The following DMD variants were observed in gnomAD, a reference collection of about 807,000 sequenced individuals.
The protein encoded by DMD is mutant dystrophin.
Under a neutral mutation model 330.1 loss-of-function variants are expected in DMD, and 63 were observed. The ratio of observed to expected loss-of-function variants is 0.19; its 90% CI spans 0.16 to 0.24. The LOEUF (loss-of-function observed/expected upper bound fraction) is 0.24. DMD is among the 10% of genes least tolerant of loss of function. DMD has a pLI of 1.00. For synonymous variants in DMD, 1,223 were observed against 959.8 expected, an observed-to-expected ratio of 1.27 and a Z score of -5.07; for missense variants, 3,344 against 2,684.1, an observed-to-expected ratio of 1.25 and a Z score of -5.43.
intron 2 of DMD, among the ~76,000 whole-genome samples, chrX:32,928,047 G>C (rs1308436140): frequency 9.1e-6 from 1 of 110,434 alleles, no homozygotes; most frequent in Non-Finnish European, 1.9e-5. Flanking sequence ...ATTTTGATAA[G>C]AAATTGATGC....
At chrX:33,008,141 G>T (rs1207903858) in intron 2 of DMD, among the ~76,000 whole-genome samples, 1 of 111,334 alleles carries the variant, frequency 9.0e-6, no homozygotes, top group Non-Finnish European at 1.9e-5. Context: ...ATCACTTTTT[G>T]TCCATTTTTA....
At chrX:32,553,731 T>A (rs1013258068) in intron 16 of DMD, among the ~76,000 whole-genome samples, 1 of 112,053 alleles carries the variant, frequency 8.9e-6, no homozygotes, top group African/African-American at 3.2e-5. Flanking sequence ...TATTTTATGA[T>A]ATGGTTTGGC....
intron 7 of DMD, among the ~76,000 whole-genome samples, chrX:32,799,917 A>G (rs1318428985): frequency 1.8e-5 from 2 of 111,540 alleles, no homozygotes. Context: ...AATTCCACTT[A>G]AAACTAAACC....
At chrX:32,808,775 G>C in intron 7 of DMD, among the ~76,000 whole-genome samples, 1 of 111,775 alleles carries the variant, frequency 8.9e-6, no homozygotes, top group Non-Finnish European at 1.9e-5. Context: ...GTAAAGCCTT[G>C]AGAATTGAGA....
chrX:31,886,367 T>C (rs2094154369), intron 47 of DMD, among the ~76,000 whole-genome samples: 1 of 111,328 alleles, frequency 9.0e-6, no homozygotes, highest in South Asian at 3.7e-4. Context: ...AAAATTTCTT[T>C]ACATAAAAAA....
intron 60 of DMD, among the ~76,000 whole-genome samples, chrX:31,381,522 A>T (rs1006907839): frequency 3.6e-5 from 4 of 111,383 alleles, no homozygotes; most frequent in Non-Finnish European, 7.5e-5. Flanking sequence ...CTCTTTGTTG[A>T]GTCTCCCACA....
At chrX:31,761,172 A>G (rs901510592) in intron 51 of DMD, among the ~76,000 whole-genome samples, 3 of 110,976 alleles carry the variant, frequency 2.7e-5, no homozygotes, top group African/African-American at 9.8e-5. Context: ...GGCGTGAGCC[A>G]CCGCGCCTGG....
At chrX:32,096,529 AT>A (rs1452825793) in intron 44 of DMD, among the ~76,000 whole-genome samples, 1 of 110,334 alleles carries the variant, frequency 9.1e-6, no homozygotes, top group East Asian at 2.8e-4. Flanking sequence ...CAAATAAATA[AT>A]TTTTTTAAAG....
chrX:33,294,849 G>T lies in DMD; in HGVS notation c.7+44410C>A, dbSNP rs143964678. Among the ~76,000 whole-genome samples the T allele has an allele frequency of 6.8e-3, 754 of 110,614 alleles. 7 individuals are homozygous for T. Among genetic ancestry groups the T allele is most frequent in the Non-Finnish European group, 9.4e-3 (496 of 52,737 alleles). The stretch of plus-strand genomic sequence containing the variant: ...ATAGATTATAGAAATCATACAAGCA[G>T]TATATACAATTTCAAAGTCACACAC... On this transcript the variant is annotated intron_variant, in intron 1 of 17. Coordinates refer to the DMD transcript ENST00000288447.
intron 1 of DMD, among the ~76,000 whole-genome samples, chrX:33,273,800 T>A (rs1431590297): frequency 2.7e-5 from 3 of 112,488 alleles, no homozygotes; most frequent in Non-Finnish European, 5.6e-5. Flanking sequence ...GCCTGCCCTC[T>A]GTAAATATGA....
At chrX:31,959,979 G>A (rs944034999) in intron 45 of DMD, among the ~76,000 whole-genome samples, 1 of 108,679 alleles carries the variant, frequency 9.2e-6, no homozygotes, top group African/African-American at 3.4e-5. Flanking sequence ...GGCTGGTCTC[G>A]AAATCCTGAC....
chrX:32,920,714 T>TA (rs1247294241), intron 2 of DMD, among the ~76,000 whole-genome samples: 1 of 112,292 alleles, frequency 8.9e-6, no homozygotes, highest in African/African-American at 3.2e-5. Context: ...GCAGTGAAGA[T>TA]AAAACAGTAA....
At chrX:32,354,255 C>G (rs1343780008) in intron 37 of DMD, among the ~76,000 whole-genome samples, 1 of 111,603 alleles carries the variant, frequency 9.0e-6, no homozygotes, top group Non-Finnish European at 1.9e-5. Context: ...AATCCAAGTG[C>G]TACAGATTGG....
chrX:32,120,479 C>T (rs1404138316), intron 44 of DMD, among the ~76,000 whole-genome samples: 1 of 112,143 alleles, frequency 8.9e-6, no homozygotes, highest in Non-Finnish European at 1.9e-5. Flanking sequence ...TAGGTCTTCA[C>T]ACACAGACAC....
chrX:31,283,909 T>C (rs2052820670), intron 62 of DMD, among the ~76,000 whole-genome samples: 1 of 111,654 alleles, frequency 9.0e-6, no homozygotes, highest in Admixed American at 9.5e-5. Flanking sequence ...CCAACCCAGA[T>C]ACAGATGCTC....
At chrX:31,794,049 GA>G (rs1053418455) in intron 50 of DMD, among the ~76,000 whole-genome samples, 161 of 108,067 alleles carry the variant, frequency 1.5e-3, no homozygotes, top group African/African-American at 5.1e-3. Context: ...TCTATATCTT[GA>G]AAAAAAAAAT....
At chrX:32,205,283 TTC>T (rs1281276223) in intron 44 of DMD, among the ~76,000 whole-genome samples, 1 of 102,078 alleles carries the variant, frequency 9.8e-6, no homozygotes, top group East Asian at 3.0e-4. Context: ...TGCCATTTCT[TTC>T]CATGCATCCA....
chrX:31,318,631 TATATACAAC>T (rs746900664), intron 62 of DMD, among the ~76,000 whole-genome samples: 28 of 112,307 alleles, frequency 2.5e-4, no homozygotes, highest in Non-Finnish European at 3.0e-4. Flanking sequence ...TACAGCAATG[TATATACAAC>T]ATTCAAAATT....
intron 62 of DMD, among the ~76,000 whole-genome samples, chrX:31,281,965 G>T (rs771730837): frequency 6.8e-5 from 7 of 102,481 alleles, no homozygotes; most frequent in Non-Finnish European, 1.3e-4. Context: ...CTTCAGTAGA[G>T]AAATGGTTCT....
Sources: allele counts gnomAD v4.1 joint callset (sites outside exome capture counted in the v4.1 genomes callset), GRCh38; gene constraint gnomAD v4.1.1; transcripts MANE v1.5; gene names NCBI Gene and HGNC (gene_info 2026-07-23, HGNC 2026-07-21).